NADSYN1: variants seen among roughly 807,000 people sequenced by gnomAD.
NADSYN1 encodes glutamine-dependent NAD(+) synthetase.
Under a neutral mutation model 99.3 loss-of-function variants are expected in NADSYN1, and 80 were observed. The observed-to-expected ratio is 0.81, with a 90% CI of 0.67 to 0.97. NADSYN1 has a LOEUF of 0.97. Ranked by LOEUF, NADSYN1 falls within the 50% of genes least tolerant of loss-of-function variation. The pLI is 0.00. For missense variants in NADSYN1, 859 were observed against 948.5 expected (o/e 0.91, Z 1.24); for synonymous variants, 385 against 372.1 (o/e 1.03, Z -0.40).
chr11:71,463,691 G>A (rs1447674919), intron 4 of NADSYN1, among the ~76,000 whole-genome samples: 8 of 152,254 alleles, frequency 5.3e-5, no homozygotes, highest in African/African-American at 1.9e-4. Context: ...ACCGAGACAG[G>A]CATCATCAGG....
At chr11:71,484,477 G>C in intron 15 of NADSYN1, 30 bp downstream of exon 15, 2 of 1,599,470 alleles carry the variant, frequency 1.3e-6, no homozygotes, top group African/African-American at 1.3e-5. Flanking sequence ...CGTCCCCTGG[G>C]GGTGGGGGTG....
At position 71,485,524 on chromosome 11, in the gene NADSYN1, C is replaced by T. The variant is rs1949736337; in HGVS notation, c.1456-18C>T. 1 of 1,536,242 alleles carries T rather than the reference C, an allele frequency of 6.5e-7. No homozygotes were observed. Among genetic ancestry groups the T allele is most frequent in the African/African-American group, 1.4e-5 (1 of 72,460 alleles). On this transcript the variant is annotated intron_variant, in intron 15 of 20. Transcript: ENST00000319023. ...CCTTTGCAAGGGAACCCGTTATTTC[C>T]TCTGTTGTGTTTTCCAGGCTCGAAT...
rs1428314818 is a variant in NADSYN1 at position 71,469,843 on chromosome 11, T to C, written c.408-2606T>C. On this transcript the variant is annotated intron_variant, in intron 5 of 20. Coordinates refer to ENST00000319023, the MANE Select transcript of NADSYN1 (RefSeq NM_018161.5). Reference sequence around the variant, plus strand: ...TGGGATGCTGAAGTGGGAGGATCACTTGAGCCCATGAGGTTGAGCCTGCAG... The same window carrying C: ...TGGGATGCTGAAGTGGGAGGATCACCTGAGCCCATGAGGTTGAGCCTGCAG... Among the ~76,000 whole-genome samples the C allele has an allele frequency of 2.0e-5, 3 of 149,792 alleles. No homozygotes were observed. In the Admixed American group the frequency reaches 2.0e-4, roughly 10 times the overall value.
rs1343263265 is a variant in NADSYN1, at chr11:71,474,404, A to T, written c.676A>T (p.Ile226Phe). 1 of 1,613,898 alleles carries T rather than the reference A, an allele frequency of 6.2e-7. No homozygotes were observed. Among genetic ancestry groups the T allele is most frequent in the Non-Finnish European group, 8.5e-7 (1 of 1,180,008 alleles). ...VTMVTSKNGG[I>F]YLLANQKGCD... ...GGTCCTCCTTTTTCAGAACGGTGGG[A>T]TTTACTTGCTGGCCAACCAGAAGGG... The change falls in exon 9 of 21, where the codon ATT becomes TTT. Residue 226 changes from isoleucine (I) to phenylalanine (F), a missense_variant. Coordinates refer to ENST00000319023, the MANE Select transcript of NADSYN1 (RefSeq NM_018161.5).
chr11:71,477,238 G>T, intron 9 of NADSYN1: 1 of 1,210,288 alleles, frequency 8.3e-7, no homozygotes. Context: ...TGTTAACCTA[G>T]CCTCGGGGAG....
At chr11:71,493,644 T>G (rs1157224707) in intron 18 of NADSYN1, among the ~76,000 whole-genome samples, 1 of 152,226 alleles carries the variant, frequency 6.6e-6, no homozygotes, top group Non-Finnish European at 1.5e-5. Flanking sequence ...TTTTTATAAT[T>G]AGATCCGTGA....
rs1278454874 is a variant in NADSYN1 at position 71,478,407 on chromosome 11, G to A, written c.811G>A (p.Ala271Thr). 1.9e-6 allele frequency: 3 copies of A among 1,607,470 alleles called. No homozygotes were observed. Among genetic ancestry groups the A allele is most frequent in the Admixed American group, 3.4e-5 (2 of 59,130 alleles). The change falls in exon 10 of 21, where the codon GCC becomes ACC. Residue 271 changes from alanine (A) to threonine (T), a missense_variant. By Grantham distance (58) the Ala-to-Thr change is moderately conservative (BLOSUM62 0). Transcript: ENST00000319023. ...TTTCCTTCTCCAGGAAGTCCTGACG[G>A]CCACGCTGGATCTGGAGGACGTCCG... ...FSLDDVEVLT[A>T]TLDLEDVRSY...
At chr11:71,484,660 G>T in intron 15 of NADSYN1, 1 of 623,174 alleles carries the variant, frequency 1.6e-6, no homozygotes, top group Non-Finnish European at 2.7e-6. Context: ...GGGGGTCTGT[G>T]TGTGTGTTGG....
chr11:71,463,596 G>A, intron 4 of NADSYN1, 111 bp downstream of exon 4: 4 of 1,056,506 alleles, frequency 3.8e-6, no homozygotes, highest in Non-Finnish European at 5.6e-6. Flanking sequence ...CTGGGAGGCT[G>A]CTTCTGGAAG....
At chr11:71,464,350 C>T in intron 5 of NADSYN1, 1 of 510,478 alleles carries the variant, frequency 2.0e-6, no homozygotes, top group Admixed American at 3.4e-5. Flanking sequence ...GCCCCCTCCA[C>T]AGGGTGGGAG....
chr11:71,488,181 T>G (rs1949755783), intron 16 of NADSYN1, among the ~76,000 whole-genome samples: 1 of 152,176 alleles, frequency 6.6e-6, no homozygotes, highest in African/African-American at 2.4e-5. Context: ...CTGTCCTCCC[T>G]CAGGCTTTCT....
At position 71,453,293 on chromosome 11, in the gene NADSYN1, C is replaced by T. The variant is rs865859619; in HGVS notation, c.-4C>T. On this transcript the variant is annotated 5_prime_UTR_variant, in exon 1 of 21. Transcript: ENST00000319023. Reference sequence around the variant, plus strand: ...GGCCTCCTGCCCAAGCGACTGCGGCCAGGATGGGCCGGAAGGTGACCGTGG... The same window carrying T: ...GGCCTCCTGCCCAAGCGACTGCGGCTAGGATGGGCCGGAAGGTGACCGTGG... 1 of 1,613,228 alleles carries T rather than the reference C, an allele frequency of 6.2e-7. No individual in the cohort carries two copies. Among genetic ancestry groups the T allele is most frequent in the Middle Eastern group, 1.7e-4 (1 of 6,050 alleles).
At chr11:71,463,066 C>A (rs775853902) in intron 3 of NADSYN1, among the ~76,000 whole-genome samples, 1 of 152,062 alleles carries the variant, frequency 6.6e-6, no homozygotes, top group African/African-American at 2.4e-5. Context: ...TCAGGGCGGA[C>A]AGGTGCTGAA....
Position 71,490,903 on chromosome 11 carries a change from G to A in NADSYN1, c.1621G>A (p.Gly541Arg), listed in dbSNP as rs373555596. ...CSSADINPIG[G>R]ISKTDLRAFV... Reference sequence around the variant, plus strand: ...CAGTGCGGACATCAACCCCATAGGCGGGATCAGCAAGACGGACCTCAGGGC... The same window carrying A: ...CAGTGCGGACATCAACCCCATAGGCAGGATCAGCAAGACGGACCTCAGGGC... The change falls in exon 17 of 21, where the codon GGG becomes AGG. Residue 541 changes from glycine to arginine, a missense_variant. Coordinates refer to ENST00000319023, the MANE Select transcript of NADSYN1 (RefSeq NM_018161.5). 9.9e-6 allele frequency: 16 copies of A among 1,614,074 alleles called. No homozygotes were observed. Among genetic ancestry groups the A allele is most frequent in the African/African-American group, 6.7e-5 (5 of 74,940 alleles).
Position 71,484,401 on chromosome 11 carries a change from C to T in NADSYN1, c.1409C>T (p.Ala470Val). 1 of 1,614,210 alleles carries T rather than the reference C, an allele frequency of 6.2e-7. No homozygotes were observed. The highest frequency in any genetic ancestry group is 8.5e-7 in the Non-Finnish European group (1 of 1,180,024). Residue 470 changes from alanine (A) to valine (V), a missense_variant, in exon 15 of 21, where the codon GCT (alanine) becomes GTT (valine). Physicochemically the swap from Ala to Val is moderately conservative, Grantham distance 64 (BLOSUM62 0). Coordinates refer to ENST00000319023, the MANE Select transcript of NADSYN1 (RefSeq NM_018161.5). ...LVTGKSPLFA[A>V]HGGSSRENLA... Reference sequence around the variant, plus strand: ...ACGGGGAAGAGCCCTCTGTTTGCAGCTCATGGAGGAAGCAGCAGGGAAAAC... The same window carrying T: ...ACGGGGAAGAGCCCTCTGTTTGCAGTTCATGGAGGAAGCAGCAGGGAAAAC...
At chr11:71,464,340 G>C (rs976979164) in intron 5 of NADSYN1, 198 bp downstream of exon 5, 1 of 524,784 alleles carries the variant, frequency 1.9e-6, no homozygotes, top group Admixed American at 3.3e-5. Flanking sequence ...GAAAATGAAA[G>C]CCCCCTCCAC....
In NADSYN1 at chr11:71,473,349, G is replaced by A. The variant is rs1335186805; in HGVS notation, c.531G>A (p.Glu177=). The A allele has an allele frequency of 6.2e-7, 1 of 1,614,066 alleles. No individual in the cohort carries two copies. Among genetic ancestry groups the A allele is most frequent in the African/African-American group, 1.3e-5 (1 of 74,944 alleles). The part of the protein sequence containing the change: ...DTCIGSEICE[E]LWTPHSPHID... ...GCATTGGAAGTGAGATCTGTGAGGA[G>A]CTCTGGACACCCCACAGGTCAGCCC... is the stretch of plus-strand genomic sequence containing the variant. The change falls in exon 7 of 21, where the codon GAG becomes GAA. Residue 177 remains glutamate, a synonymous_variant. Coordinates refer to ENST00000319023, the MANE Select transcript of NADSYN1 (RefSeq NM_018161.5).
chr11:71,484,118 C>G (rs1049279166), intron 14 of NADSYN1, among the ~76,000 whole-genome samples, 194 bp from the exon 15 acceptor site: 2 of 152,190 alleles, frequency 1.3e-5, no homozygotes, highest in African/African-American at 4.8e-5. Context: ...GGGTTCCCTT[C>G]TCTGGTGATG....
At chr11:71,478,340 G>T in intron 9 of NADSYN1, 55 bp from the exon 10 acceptor site, 1 of 1,438,302 alleles carries the variant, frequency 7.0e-7, no homozygotes. Flanking sequence ...CAAATTACAC[G>T]TGGGAGTTGA....
Sources: gnomAD v4.1 joint callset for allele counts (sites outside exome capture counted in the v4.1 genomes callset) on GRCh38, gnomAD v4.1.1 for gene constraint, MANE v1.5 for transcripts, NCBI Gene and HGNC (gene_info 2026-07-23, HGNC 2026-07-21) for gene names.